The following RUNDC3B variants were observed in gnomAD, a reference collection of about 807,000 sequenced individuals.
RUNDC3B encodes RUN domain-containing protein 3B.
Under a neutral mutation model 58.4 loss-of-function variants are expected in RUNDC3B, and 33 were observed. The ratio of observed to expected loss-of-function variants is 0.56; its 90% confidence interval spans 0.43 to 0.75. The LOEUF is 0.75. RUNDC3B is among the 30% of genes least tolerant of loss of function. The pLI is 0.00. For missense variants in RUNDC3B, 501 were observed against 535.7 expected (o/e 0.94, Z 0.64); for synonymous variants, 193 against 195.2 (o/e 0.99, Z 0.10).
At chr7:87,817,517 C>A (rs1009111941) in intron 10 of RUNDC3B, among the ~76,000 whole-genome samples, 3 of 152,214 alleles carry the variant, frequency 2.0e-5, no homozygotes, top group East Asian at 1.9e-4. Flanking sequence ...TGTACCATAG[C>A]AAACTGACCT....
intron 7 of RUNDC3B, among the ~76,000 whole-genome samples, chr7:87,772,250 G>C (rs562124979): frequency 2.6e-5 from 4 of 151,734 alleles, no homozygotes; most frequent in African/African-American, 9.7e-5. Context: ...TTTAACAACT[G>C]ACTTAAATTT....
intron 1 of RUNDC3B, among the ~76,000 whole-genome samples, chr7:87,649,068 A>G (rs1823311216): frequency 6.6e-6 from 1 of 152,110 alleles, no homozygotes. Context: ...CTAATTCTTT[A>G]ACAGCTCCCC....
At chr7:87,783,179 ATG>A (rs372043739) in intron 8 of RUNDC3B, among the ~76,000 whole-genome samples, 155 of 148,576 alleles carry the variant, frequency 1.0e-3, no homozygotes, top group South Asian at 2.8e-3. Context: ...GTGTTTGTGT[ATG>A]TGTGTGTGTG....
chr7:87,752,577 T>C (rs937368652), intron 6 of RUNDC3B, among the ~76,000 whole-genome samples: 1 of 152,218 alleles, frequency 6.6e-6, no homozygotes, highest in African/African-American at 2.4e-5. Flanking sequence ...TATTCAGAGA[T>C]TCAACTTCTT....
chr7:87,650,995 A>G, intron 2 of RUNDC3B, 58 bp downstream of exon 2: 1 of 961,224 alleles, frequency 1.0e-6, no homozygotes, highest in South Asian at 1.4e-5. Flanking sequence ...ATAAGCTTGA[A>G]ATTTTAGAAA....
At chr7:87,689,189 GTCT>G (rs1318650478) in intron 2 of RUNDC3B, among the ~76,000 whole-genome samples, 1 of 151,990 alleles carries the variant, frequency 6.6e-6, no homozygotes, top group Non-Finnish European at 1.5e-5. Context: ...TTTTTTGAAT[GTCT>G]TCTTTATAAT....
intron 8 of RUNDC3B, among the ~76,000 whole-genome samples, chr7:87,788,839 T>C (rs577244125): frequency 5.1e-4 from 77 of 152,182 alleles, no homozygotes; most frequent in African/African-American, 1.8e-3. Flanking sequence ...TTTATGCTAA[T>C]TGGTGGAAAA....
intron 2 of RUNDC3B, among the ~76,000 whole-genome samples, chr7:87,668,510 G>A (rs1825499132): frequency 6.7e-6 from 1 of 149,714 alleles, no homozygotes; most frequent in African/African-American, 2.5e-5. Flanking sequence ...TTTTTTTCTT[G>A]TCTTCCGCTA....
At chr7:87,799,705 G>A (rs1197850811) in intron 8 of RUNDC3B, among the ~76,000 whole-genome samples, 1 of 151,974 alleles carries the variant, frequency 6.6e-6, no homozygotes, top group Non-Finnish European at 1.5e-5. Flanking sequence ...TGGCCAACAT[G>A]TTGAAAGCCC....
chr7:87,662,003 A>G (rs891591273), intron 2 of RUNDC3B, among the ~76,000 whole-genome samples: 2 of 152,042 alleles, frequency 1.3e-5, no homozygotes, highest in African/African-American at 2.4e-5. Context: ...CTGATGATCA[A>G]TGATGTTGAG....
intron 4 of RUNDC3B, among the ~76,000 whole-genome samples, chr7:87,727,733 A>T (rs1217828918): frequency 6.6e-6 from 1 of 152,140 alleles, no homozygotes; most frequent in African/African-American, 2.4e-5. Flanking sequence ...TATCTTATCA[A>T]GAGGATGCAT....
intron 2 of RUNDC3B, among the ~76,000 whole-genome samples, chr7:87,673,531 G>A (rs916375548): frequency 6.6e-6 from 1 of 152,120 alleles, no homozygotes; most frequent in East Asian, 1.9e-4. Flanking sequence ...ATTATATTAT[G>A]AAATTCTCGA....
intron 4 of RUNDC3B, among the ~76,000 whole-genome samples, chr7:87,729,453 G>C (rs1173779036): frequency 6.6e-6 from 1 of 152,176 alleles, no homozygotes; most frequent in African/African-American, 2.4e-5. Flanking sequence ...TGTGCGACTT[G>C]ACGTTGGAAC....
At chr7:87,795,229 T>C (rs944816019) in intron 8 of RUNDC3B, among the ~76,000 whole-genome samples, 3 of 152,106 alleles carry the variant, frequency 2.0e-5, no homozygotes, top group Non-Finnish European at 2.9e-5. Flanking sequence ...AAACTATCCA[T>C]CTGACAAAGG....
At chr7:87,770,497 C>T (rs1834218423) in intron 6 of RUNDC3B, 84 bp from the exon 7 acceptor site, 2 of 1,017,202 alleles carry the variant, frequency 2.0e-6, no homozygotes, top group South Asian at 3.1e-5. Context: ...CGAATTTGTT[C>T]ACCGTAGCTT....
chr7:87,695,990 A>G (rs1209874343), intron 2 of RUNDC3B, among the ~76,000 whole-genome samples: 1 of 152,084 alleles, frequency 6.6e-6, no homozygotes, highest in African/African-American at 2.4e-5. Flanking sequence ...TCAGTAACAG[A>G]TTGTCTTTTA....
chr7:87,828,318 A>G (rs904804536), intron 10 of RUNDC3B, among the ~76,000 whole-genome samples: 3 of 152,128 alleles, frequency 2.0e-5, no homozygotes, highest in Non-Finnish European at 2.9e-5. Flanking sequence ...TGATCCCATC[A>G]CCCAAGTAGT....
Position 87,830,243 on chromosome 7 carries a change from A to T in RUNDC3B, c.*213A>T. The T allele has an allele frequency of 2.9e-6, 1 of 347,418 alleles. No homozygotes were observed. Among genetic ancestry groups the T allele is most frequent in the Admixed American group, 4.7e-5 (1 of 21,292 alleles). 21.5% of individuals were successfully genotyped at this position (347,418 alleles called of 1,614,324 possible). ...TAAAATTCTTACATTTGTCATTGAG[A>T]AAGTTCAAAATGGAATAGGCTTTAA... On this transcript the variant is annotated 3_prime_UTR_variant, in exon 11 of 11. Coordinates refer to ENST00000394654, the MANE Select transcript of RUNDC3B (RefSeq NM_001134405.2).
chr7:87,675,118 C>G (rs1346076583), intron 2 of RUNDC3B, among the ~76,000 whole-genome samples: 1 of 152,196 alleles, frequency 6.6e-6, no homozygotes, highest in East Asian at 1.9e-4. Context: ...TTCAACTTGC[C>G]TTTTCCCCAG....
Sources: gnomAD v4.1 joint callset for allele counts (sites outside exome capture counted in the v4.1 genomes callset) on GRCh38, gnomAD v4.1.1 for gene constraint, MANE v1.5 for transcripts, NCBI Gene and HGNC (gene_info 2026-07-23, HGNC 2026-07-21) for gene names.